ARID1B: variants seen among roughly 807,000 people sequenced by gnomAD.
ARID1B encodes the protein AT-rich interaction domain 1B.
ARID1B carries 30 observed loss-of-function variants against 212.3 expected under a neutral mutation model. The ratio of observed to expected loss-of-function variants is 0.14; its 90% CI spans 0.11 to 0.19. The LOEUF (loss-of-function observed/expected upper bound fraction) is 0.19, where lower values mean the gene tolerates loss of function less well. Ranked by LOEUF, ARID1B falls within the 10% of genes least tolerant of loss-of-function variation. ARID1B has a pLI of 1.00. For missense variants in ARID1B, 2,891 were observed against 3,204.0 expected, an observed-to-expected ratio of 0.90 and a Z score of 2.36; for synonymous variants, 1,402 against 1,301.7, an observed-to-expected ratio of 1.08 and a Z score of -1.66.
chr6:156,871,789 C>G, intron 2 of ARID1B: 6 of 1,019,612 alleles, frequency 5.9e-6, no homozygotes. Context: ...AGGGCCCATC[C>G]CTGTGCAGGT....
chr6:157,121,746 C>T (rs1787737430), intron 6 of ARID1B, among the ~76,000 whole-genome samples: 1 of 149,960 alleles, frequency 6.7e-6, no homozygotes, highest in South Asian at 2.1e-4. Flanking sequence ...GTTCTCCTGC[C>T]TCAGCCTCCC....
intron 4 of ARID1B, among the ~76,000 whole-genome samples, chr6:156,989,143 T>C (rs183938475): frequency 1.5e-4 from 23 of 152,296 alleles, no homozygotes; most frequent in Admixed American, 1.5e-3. Flanking sequence ...CTTGGCCATG[T>C]TTATCATATT....
At chr6:157,138,031 C>T (rs900905326) in intron 7 of ARID1B, among the ~76,000 whole-genome samples, 4 of 152,006 alleles carry the variant, frequency 2.6e-5, no homozygotes, top group Non-Finnish European at 5.9e-5. Flanking sequence ...GAATACAGTT[C>T]CAAACTACTG....
At chr6:157,154,544 G>A (rs1790421909) in intron 8 of ARID1B, among the ~76,000 whole-genome samples, 1 of 149,052 alleles carries the variant, frequency 6.7e-6, no homozygotes, top group Admixed American at 6.6e-5. Context: ...TTGTCATCTG[G>A]TCCTGTTGTT....
chr6:156,783,965 TGTG>T (rs1297758251), intron 1 of ARID1B, among the ~76,000 whole-genome samples: 3 of 152,188 alleles, frequency 2.0e-5, no homozygotes, highest in African/African-American at 7.2e-5. Flanking sequence ...TTGATAGAAG[TGTG>T]GTGTGTTGCA....
chr6:156,910,765 A>G (rs996691539), intron 3 of ARID1B, among the ~76,000 whole-genome samples: 1 of 152,222 alleles, frequency 6.6e-6, no homozygotes, highest in Non-Finnish European at 1.5e-5. Flanking sequence ...CCTTTATACA[A>G]TTGGAAACCA....
intron 1 of ARID1B, among the ~76,000 whole-genome samples, chr6:156,784,415 A>G (rs1237787431): frequency 6.6e-6 from 1 of 152,224 alleles, no homozygotes; most frequent in Non-Finnish European, 1.5e-5. Context: ...ATGAGACTCA[A>G]TGGCCCTTTT....
At chr6:156,827,548 G>A (rs957837234) in intron 1 of ARID1B, among the ~76,000 whole-genome samples, 1 of 152,186 alleles carries the variant, frequency 6.6e-6, no homozygotes, top group Non-Finnish European at 1.5e-5. Context: ...GCCCTGCAGG[G>A]CTCACCCATG....
chr6:157,006,120 T>G (rs767267812), intron 4 of ARID1B, among the ~76,000 whole-genome samples: 2 of 152,164 alleles, frequency 1.3e-5, no homozygotes, highest in Non-Finnish European at 2.9e-5. Flanking sequence ...TGCTATCTGA[T>G]CTCACTGTTA....
At chr6:157,183,625 C>T (rs767285457) in intron 12 of ARID1B, among the ~76,000 whole-genome samples, 5 of 152,184 alleles carry the variant, frequency 3.3e-5, no homozygotes, top group Non-Finnish European at 4.4e-5. Flanking sequence ...TGTCTCCAGC[C>T]CTTTAAGCCT....
At chr6:157,193,026 G>A (rs970054981) in intron 15 of ARID1B, among the ~76,000 whole-genome samples, 4 of 152,100 alleles carry the variant, frequency 2.6e-5, no homozygotes, top group African/African-American at 9.7e-5. Context: ...AGCCCTGAGG[G>A]GCCTGGCCCT....
chr6:156,840,074 C>T (rs894984070), intron 2 of ARID1B, among the ~76,000 whole-genome samples: 4 of 152,026 alleles, frequency 2.6e-5, no homozygotes, highest in African/African-American at 9.7e-5. Flanking sequence ...TAGAAATTTC[C>T]CTCTTCAGTG....
chr6:157,163,397 C>CTG (rs1293597530), intron 8 of ARID1B, among the ~76,000 whole-genome samples: 1 of 152,234 alleles, frequency 6.6e-6, no homozygotes, highest in Non-Finnish European at 1.5e-5. Flanking sequence ...CCACAGCCCG[C>CTG]TGTCTCCACT....
chr6:157,009,550 G>T (rs1045034688), intron 4 of ARID1B, among the ~76,000 whole-genome samples: 1 of 152,094 alleles, frequency 6.6e-6, no homozygotes, highest in Non-Finnish European at 1.5e-5. Flanking sequence ...CATTCAACAA[G>T]TATTTATTGT....
intron 9 of ARID1B, chr6:157,167,926 G>A (rs1429002044): frequency 6.6e-6 from 1 of 152,224 alleles, no homozygotes; most frequent in African/African-American, 2.4e-5. Context: ...ATAAAGTGAT[G>A]TGTATTTCCA....
chr6:156,904,681 A>G (rs1263523677), intron 3 of ARID1B, among the ~76,000 whole-genome samples: 2 of 152,368 alleles, frequency 1.3e-5, no homozygotes, highest in South Asian at 4.1e-4. Context: ...CTAAATCCCA[A>G]TGTCTGAAAT....
chr6:157,084,772 G>A lies in ARID1B; in HGVS notation c.2358G>A (p.Ala786=), dbSNP rs551597753. Residue 786 remains alanine, a synonymous_variant, in exon 5 of 20, where the codon GCG becomes GCA. Transcript: ENST00000636930. ...TSSQGDQSNP[A]QSPFSPHASP... is the part of the protein sequence containing the mutation. ...GCCAAGGGGATCAGAGCAACCCGGC[G>A]CAGTCGCCTTTCTCCCCACATGCGT... is the stretch of plus-strand genomic sequence containing the variant. 1.9e-5 allele frequency: 31 copies of A among 1,614,080 alleles called. No homozygotes were observed. The highest frequency in any genetic ancestry group is 2.7e-5 in the African/African-American group (2 of 75,040).
At chr6:156,985,471 A>C (rs916535338) in intron 4 of ARID1B, 2 of 152,240 alleles carry the variant, frequency 1.3e-5, no homozygotes, top group Non-Finnish European at 2.9e-5. Flanking sequence ...CTGTCTGCTC[A>C]TATTTAATTG....
chr6:157,188,850 C>T (rs943197805), intron 13 of ARID1B, among the ~76,000 whole-genome samples: 17 of 152,178 alleles, frequency 1.1e-4, no homozygotes, highest in Admixed American at 6.5e-4. Context: ...GCAAATGTTA[C>T]GTTTTTCCCT....
Sources: allele counts gnomAD v4.1 joint callset (sites outside exome capture counted in the v4.1 genomes callset), GRCh38; gene constraint gnomAD v4.1.1; transcripts MANE v1.5; gene names NCBI Gene and HGNC (gene_info 2026-07-23, HGNC 2026-07-21).